The following DCDC2 variants were observed in gnomAD, a reference collection of about 807,000 sequenced individuals.
The protein encoded by DCDC2 is doublecortin domain-containing protein 2.
DCDC2 carries 40 observed loss-of-function variants against 50.2 expected under a neutral mutation model. The observed-to-expected ratio is 0.80, with a 90% CI of 0.62 to 1.04. DCDC2 has a LOEUF of 1.04. Ranked by LOEUF, DCDC2 falls within the 50% of genes least tolerant of loss-of-function variation. The pLI, the probability that DCDC2 is intolerant of heterozygous loss-of-function variation, is 0.00. For missense variants in DCDC2, 570 were observed against 581.9 expected (o/e 0.98, Z 0.21); for synonymous variants, 234 against 210.6 (o/e 1.11, Z -0.96).
At chr6:24,359,092 TTATA>T (rs1173679728), upstream of DCDC2, among the ~76,000 whole-genome samples, 1 of 66,084 alleles carries the variant, frequency 1.5e-5, no homozygotes, top group Non-Finnish European at 2.5e-5. Context: ...TTTTTATATA[TTATA>T]TATTTTATAT....
chr6:24,258,143 G>A (rs958499520), intron 7 of DCDC2, among the ~76,000 whole-genome samples: 1 of 152,180 alleles, frequency 6.6e-6, no homozygotes, highest in African/African-American at 2.4e-5. Context: ...CCTTCACAGT[G>A]AGTATTACAG....
intron 2 of DCDC2, among the ~76,000 whole-genome samples, chr6:24,341,899 T>G (rs1426690257): frequency 6.6e-6 from 1 of 152,052 alleles, no homozygotes; most frequent in Non-Finnish European, 1.5e-5. Context: ...CCAAAAATAC[T>G]TCCCCAACAA....
At chr6:24,209,063 A>C (rs775299715) in intron 7 of DCDC2, among the ~76,000 whole-genome samples, 7 of 152,224 alleles carry the variant, frequency 4.6e-5, no homozygotes, top group Non-Finnish European at 1.0e-4. Flanking sequence ...CCAAAATACA[A>C]TGGAAAAGAA....
chr6:24,285,180 G>A (rs567772301), intron 6 of DCDC2, among the ~76,000 whole-genome samples: 31 of 152,156 alleles, frequency 2.0e-4, no homozygotes, highest in Non-Finnish European at 3.4e-4. Flanking sequence ...AATGGATGAC[G>A]GATGGAGTGG....
At chr6:24,260,015 T>A (rs1045121725) in intron 7 of DCDC2, among the ~76,000 whole-genome samples, 3 of 152,210 alleles carry the variant, frequency 2.0e-5, no homozygotes, top group Non-Finnish European at 4.4e-5. Flanking sequence ...AGAGAATTGA[T>A]GCTTAAGGTT....
At chr6:24,349,339 T>A (rs146980119) in intron 2 of DCDC2, among the ~76,000 whole-genome samples, 1 of 152,264 alleles carries the variant, frequency 6.6e-6, no homozygotes, top group Non-Finnish European at 1.5e-5. Flanking sequence ...AGGTCATGCA[T>A]GTCTTAATCA....
intron 2 of DCDC2, among the ~76,000 whole-genome samples, chr6:24,314,317 TTTAAAATTAGCTAG>T (rs1759624088): frequency 2.6e-5 from 4 of 151,436 alleles, no homozygotes; most frequent in African/African-American, 4.8e-5. Context: ...TACAAAAAGG[TTTAAAATTAGCTAG>T]GTGCAGTGGC....
intron 7 of DCDC2, among the ~76,000 whole-genome samples, chr6:24,277,378 G>A (rs1367761602): frequency 1.3e-5 from 2 of 152,116 alleles, no homozygotes; most frequent in East Asian, 3.8e-4. Context: ...TCCACTCTGA[G>A]AACACACTGG....
At chr6:24,250,466 A>G (rs1014202420) in intron 7 of DCDC2, among the ~76,000 whole-genome samples, 1 of 152,186 alleles carries the variant, frequency 6.6e-6, no homozygotes, top group Admixed American at 6.5e-5. Flanking sequence ...CAAATGTTAT[A>G]CACTTCTTCC....
intron 2 of DCDC2, among the ~76,000 whole-genome samples, chr6:24,315,194 C>T (rs1349106103): frequency 2.1e-5 from 3 of 144,250 alleles, no homozygotes; most frequent in African/African-American, 7.7e-5. Context: ...TTTTAAATAA[C>T]CAGCCCCATA....
chr6:24,221,033 C>T (rs144345422), intron 7 of DCDC2, among the ~76,000 whole-genome samples: 1,633 of 145,196 alleles, frequency 0.011, 15 homozygotes, highest in Middle Eastern at 0.028. Flanking sequence ...CCACTCACCT[C>T]GTGGGGATGA....
At chr6:24,199,629 C>A (rs536601372) in intron 8 of DCDC2, among the ~76,000 whole-genome samples, 6 of 152,116 alleles carry the variant, frequency 3.9e-5, no homozygotes, top group Non-Finnish European at 8.8e-5. Flanking sequence ...CAACTCCTCA[C>A]CAGCAAGGGA....
At chr6:24,264,566 G>A (rs1763078009) in intron 7 of DCDC2, among the ~76,000 whole-genome samples, 1 of 151,568 alleles carries the variant, frequency 6.6e-6, no homozygotes, top group East Asian at 1.9e-4. Flanking sequence ...TAAAATAATC[G>A]GTTTTATAAG....
intron 7 of DCDC2, among the ~76,000 whole-genome samples, chr6:24,232,388 T>C (rs1196976981): frequency 6.6e-6 from 1 of 152,232 alleles, no homozygotes; most frequent in Admixed American, 6.5e-5. Context: ...GTTTCAGAAC[T>C]CTGTCTTACT....
chr6:24,368,962 C>T, the DCDC2 span, among the ~76,000 whole-genome samples: 4 of 151,834 alleles, frequency 2.6e-5, no homozygotes, highest in Non-Finnish European at 5.9e-5. Flanking sequence ...GGCGAAACCC[C>T]GTCTCTACTA....
intron 7 of DCDC2, among the ~76,000 whole-genome samples, chr6:24,246,007 T>A (rs1762663869): frequency 6.6e-6 from 1 of 152,160 alleles, no homozygotes; most frequent in Non-Finnish European, 1.5e-5. Context: ...TTTATTTTTA[T>A]TTATTTATTT....
At chr6:24,217,693 T>C (rs1439061156) in intron 7 of DCDC2, among the ~76,000 whole-genome samples, 3 of 152,198 alleles carry the variant, frequency 2.0e-5, no homozygotes, top group Non-Finnish European at 4.4e-5. Context: ...TTAATGTGCT[T>C]TGACTTGCTT....
intron 8 of DCDC2, among the ~76,000 whole-genome samples, chr6:24,182,611 C>T (rs56219411): frequency 0.19 from 17,931 of 96,850 alleles, 1,444 homozygotes; most frequent in East Asian, 0.48. Context: ...TACTACCTAA[C>T]ACCCATTATG....
intron 7 of DCDC2, among the ~76,000 whole-genome samples, chr6:24,241,090 C>G (rs1220340645): frequency 6.6e-6 from 1 of 152,128 alleles, no homozygotes; most frequent in Non-Finnish European, 1.5e-5. Flanking sequence ...GAAGTTTTAC[C>G]TTTGGCTTAT....
Sources: gnomAD v4.1 joint callset for allele counts (sites outside exome capture counted in the v4.1 genomes callset) on GRCh38, gnomAD v4.1.1 for gene constraint, MANE v1.5 for transcripts, NCBI Gene and HGNC (gene_info 2026-07-23, HGNC 2026-07-21) for gene names.